Variants in TMTC2 observed in about 807,000 individuals in gnomAD.
The protein encoded by TMTC2 is protein O-mannosyl-transferase TMTC2.
Under a neutral mutation model 82.4 loss-of-function variants are expected in TMTC2, and 43 were observed. That is an observed-to-expected ratio of 0.52 (90% CI 0.41 to 0.67). The LOEUF (loss-of-function observed/expected upper bound fraction) is 0.67. Among genes scored for constraint, TMTC2 ranks in the 30% least tolerant of loss-of-function variants. TMTC2 has a pLI of 0.00. For synonymous variants in TMTC2, 408 were observed against 381.9 expected (o/e 1.07, Z -0.80); for missense variants, 919 against 1,012.4 (o/e 0.91, Z 1.25).
chr12:82,918,383 C>A (rs1468850074), intron 3 of TMTC2, among the ~76,000 whole-genome samples: 1 of 152,144 alleles, frequency 6.6e-6, no homozygotes, highest in Non-Finnish European at 1.5e-5. Context: ...AGTAACTCAG[C>A]GTTGGTGGAA....
chr12:82,973,840 C>T (rs1468764116), intron 7 of TMTC2, among the ~76,000 whole-genome samples: 1 of 151,534 alleles, frequency 6.6e-6, no homozygotes, highest in Non-Finnish European at 1.5e-5. Flanking sequence ...CACTTGCTTT[C>T]CTGGAAATAG....
At chr12:82,759,057 T>G (rs760500445) in intron 1 of TMTC2, 7 of 152,224 alleles carry the variant, frequency 4.6e-5, no homozygotes, top group African/African-American at 7.2e-5. Context: ...AGTATCAGAC[T>G]TGCCTCACGG....
At chr12:83,122,046 C>A (rs907271862) in intron 11 of TMTC2, among the ~76,000 whole-genome samples, 1 of 152,094 alleles carries the variant, frequency 6.6e-6, no homozygotes, top group Non-Finnish European at 1.5e-5. Context: ...AGTGGGCCAG[C>A]AGGCCTGAGA....
chr12:83,131,599 G>T (rs1885257506), intron 11 of TMTC2, among the ~76,000 whole-genome samples: 1 of 152,056 alleles, frequency 6.6e-6, no homozygotes, highest in South Asian at 2.1e-4. Context: ...CATCATTACA[G>T]GTTAAACAGT....
chr12:83,056,508 T>C (rs1000707664), intron 10 of TMTC2, among the ~76,000 whole-genome samples: 4 of 151,944 alleles, frequency 2.6e-5, no homozygotes, highest in African/African-American at 4.8e-5. Flanking sequence ...TTAGAAACGC[T>C]AACTTCTTTA....
chr12:82,798,494 T>TC (rs1878835505), intron 1 of TMTC2, among the ~76,000 whole-genome samples: 1 of 4,502 alleles, frequency 2.2e-4, no homozygotes, highest in Non-Finnish European at 4.0e-4. Context: ...GAGACTCGTC[T>TC]CAAAAAAAAA....
chr12:83,127,903 G>GA (rs1379482708), intron 11 of TMTC2, among the ~76,000 whole-genome samples: 2 of 152,042 alleles, frequency 1.3e-5, no homozygotes, highest in Non-Finnish European at 2.9e-5. Flanking sequence ...AATCCCTAGC[G>GA]ACTTAAAAAA....
At chr12:82,766,411 G>T (rs11115386) in intron 1 of TMTC2, among the ~76,000 whole-genome samples, 35,587 of 152,010 alleles carry the variant, frequency 0.23, 4,820 homozygotes, top group African/African-American at 0.37. Flanking sequence ...ATTGACTAAG[G>T]GTCTCCCCTG....
chr12:83,021,316 A>C (rs897649946), intron 8 of TMTC2, among the ~76,000 whole-genome samples: 2 of 152,036 alleles, frequency 1.3e-5, no homozygotes, highest in Admixed American at 1.3e-4. Flanking sequence ...CATCTCAATC[A>C]CACAGAACTC....
In TMTC2 at chr12:83,039,442, ATATAT is replaced by A. The variant is rs367866305; in HGVS notation, c.2152+8569_2152+8573del. The stretch of plus-strand genomic sequence containing the variant: ...AATATTCAAATATGATATTTGATGA[ATATAT>A]TATATATTTGACAAATATATATTAT... On this transcript the variant is annotated intron_variant, in intron 9 of 11. Transcript: ENST00000321196. Among the ~76,000 whole-genome samples the A allele has an allele frequency of 4.9e-3, 750 of 151,994 alleles. 4 individuals are homozygous for A. Among genetic ancestry groups the A allele is most frequent in the African/African-American group, 0.017 (715 of 41,470 alleles).
chr12:82,992,244 A>G (rs965578872), intron 8 of TMTC2, among the ~76,000 whole-genome samples: 1 of 152,144 alleles, frequency 6.6e-6, no homozygotes, highest in African/African-American at 2.4e-5. Flanking sequence ...TTTTGCTATT[A>G]TTATTTAGAG....
intron 11 of TMTC2, among the ~76,000 whole-genome samples, chr12:83,078,411 G>T (rs926792453): frequency 3.3e-5 from 5 of 152,116 alleles, no homozygotes; most frequent in African/African-American, 1.2e-4. Context: ...TCCTTGAGAA[G>T]GATTTGATTA....
chr12:82,854,068 TTC>T (rs1406574754), intron 1 of TMTC2, among the ~76,000 whole-genome samples: 1 of 152,192 alleles, frequency 6.6e-6, no homozygotes, highest in Non-Finnish European at 1.5e-5. Context: ...TAACATCTGG[TTC>T]TAATATTTTA....
chr12:83,026,803 A>G (rs1311987811), intron 8 of TMTC2, among the ~76,000 whole-genome samples: 1 of 151,246 alleles, frequency 6.6e-6, no homozygotes, highest in Non-Finnish European at 1.5e-5. Flanking sequence ...TTGATCAGTG[A>G]TTGGGAGAGA....
At chr12:83,098,146 T>C (rs1486425806) in intron 11 of TMTC2, among the ~76,000 whole-genome samples, 1 of 152,124 alleles carries the variant, frequency 6.6e-6, no homozygotes, top group Non-Finnish European at 1.5e-5. Context: ...GCAGAGGGGA[T>C]GGTTTGGTCC....
intron 11 of TMTC2, among the ~76,000 whole-genome samples, chr12:83,104,858 T>A (rs545828895): frequency 6.6e-6 from 1 of 152,342 alleles, no homozygotes; most frequent in South Asian, 2.1e-4. Flanking sequence ...GACTACAGAA[T>A]GTCCAAACTT....
chr12:83,072,747 A>T (rs1170281099), intron 11 of TMTC2, among the ~76,000 whole-genome samples: 1 of 152,282 alleles, frequency 6.6e-6, no homozygotes, highest in South Asian at 2.1e-4. Context: ...TTACCATTAT[A>T]TAATGTCCCT....
At chr12:82,763,172 T>C (rs1451686871) in intron 1 of TMTC2, among the ~76,000 whole-genome samples, 1 of 139,516 alleles carries the variant, frequency 7.2e-6, no homozygotes, top group Non-Finnish European at 1.5e-5. Flanking sequence ...GTTAAACAGA[T>C]ATTCAAGCAT....
intron 1 of TMTC2, among the ~76,000 whole-genome samples, chr12:82,820,302 A>T (rs1869013028): frequency 2.0e-5 from 3 of 152,124 alleles, no homozygotes; most frequent in Admixed American, 1.3e-4. Flanking sequence ...GCATCCTTCA[A>T]TGCAATCAAG....
Sources: gnomAD v4.1 joint callset for allele counts (sites outside exome capture counted in the v4.1 genomes callset) on GRCh38, gnomAD v4.1.1 for gene constraint, MANE v1.5 for transcripts, NCBI Gene and HGNC (gene_info 2026-07-23, HGNC 2026-07-21) for gene names.